The following PKNOX1 variants were observed in gnomAD, a reference collection of about 807,000 sequenced individuals.
The protein encoded by PKNOX1 is PBX/knotted 1 homeobox 1.
In PKNOX1, 15 loss-of-function variants were observed where a neutral mutation model predicts 51.9. That is an observed-to-expected ratio of 0.29 (90% CI 0.19 to 0.45). PKNOX1 has a LOEUF of 0.45. Among genes scored for constraint, PKNOX1 ranks in the 20% least tolerant of loss-of-function variants. The probability of loss-of-function intolerance (pLI) is 1.00; values close to 1 mark genes in which losing one functional copy is unlikely to be tolerated. For synonymous variants in PKNOX1, 219 were observed against 211.1 expected (o/e 1.04, Z -0.32); for missense variants, 462 against 547.5 (o/e 0.84, Z 1.56).
intron 5 of PKNOX1, among the ~76,000 whole-genome samples, chr21:43,015,078 C>T (rs1405003635): frequency 6.6e-6 from 1 of 152,244 alleles, no homozygotes; most frequent in Non-Finnish European, 1.5e-5. Flanking sequence ...AAGTTGTGTA[C>T]ATGCGTTTTT....
chr21:43,029,231 C>T (rs234730), intron 10 of PKNOX1, among the ~76,000 whole-genome samples: 46,977 of 151,858 alleles, frequency 0.31, 7,962 homozygotes, highest in Non-Finnish European at 0.39. Context: ...GTTCTCACCA[C>T]GTGGCTTCTT....
At position 43,015,195 on chromosome 21, in the gene PKNOX1, G is replaced by A. The variant is rs567493119; in HGVS notation, c.523-1713G>A. Among the ~76,000 whole-genome samples the A allele has an allele frequency of 2.8e-4, 42 of 152,336 alleles. 1 individual carries two copies. The South Asian group carries it at 8.3e-3, about 30-fold the overall frequency. The stretch of plus-strand genomic sequence containing the variant: ...CCGCCTTAGGGGACACCTTTCAGTC[G>A]CTCACTGTCGATGATGTTGGTTGCA... On this transcript the variant is annotated intron_variant, in intron 5 of 10. Coordinates refer to ENST00000291547, the MANE Select transcript of PKNOX1 (RefSeq NM_004571.5).
intron 1 of PKNOX1, among the ~76,000 whole-genome samples, chr21:42,998,321 C>T (rs904202739): frequency 6.6e-6 from 1 of 152,124 alleles, no homozygotes; most frequent in African/African-American, 2.4e-5. Flanking sequence ...TCAACTACCT[C>T]CCACCAGCTC....
chr21:43,001,486 C>G (rs1245428138), intron 1 of PKNOX1, among the ~76,000 whole-genome samples: 2 of 152,154 alleles, frequency 1.3e-5, no homozygotes, highest in Non-Finnish European at 2.9e-5. Flanking sequence ...CATCCTTGGT[C>G]CTCCTTCTCC....
At chr21:42,987,404 A>AAAAAAAATATATATATATAT in intron 1 of PKNOX1, among the ~76,000 whole-genome samples, 4 of 41,414 alleles carry the variant, frequency 9.7e-5, no homozygotes, top group Admixed American at 3.1e-4. Context: ...AAAAAAAAAA[A>AAAAAAAATATATATATATAT]ATATATATAT....
chr21:42,993,231 T>C (rs979888815), intron 1 of PKNOX1, among the ~76,000 whole-genome samples: 1 of 152,208 alleles, frequency 6.6e-6, no homozygotes, highest in Non-Finnish European at 1.5e-5. Context: ...CAGCTCTGTC[T>C]GCCCTCACTG....
intron 1 of PKNOX1, among the ~76,000 whole-genome samples, chr21:42,992,837 C>A (rs1308067045): frequency 2.8e-5 from 4 of 145,028 alleles, no homozygotes; most frequent in African/African-American, 7.7e-5. Flanking sequence ...TGGGGGCCTT[C>A]CTCACGGTAT....
chr21:43,005,055 C>T (rs1227697284), intron 2 of PKNOX1, among the ~76,000 whole-genome samples: 3 of 152,160 alleles, frequency 2.0e-5, no homozygotes, highest in Admixed American at 2.0e-4. Flanking sequence ...GCAGGTGGAT[C>T]GAGACTTGGC....
rs1980304321 is a variant in PKNOX1, at chr21:43,032,227, A to G, written c.*2126A>G. On this transcript the variant is annotated 3_prime_UTR_variant, in exon 11 of 11. Transcript: ENST00000291547. ...AACTGTCTTCTCATATTTTAAGTCA[A>G]GTCTATAAGATCATTTTTAACCTAA... is the stretch of plus-strand genomic sequence containing the variant. 2.2e-6 allele frequency: 1 copy of G among 455,848 alleles called. No individual in the cohort carries two copies. The highest frequency in any genetic ancestry group is 2.4e-5 in the Admixed American group (1 of 42,504). 28.2% of individuals were successfully genotyped at this position (455,848 alleles called of 1,614,324 possible).
chr21:43,005,628 T>C (rs182587507), intron 2 of PKNOX1, among the ~76,000 whole-genome samples: 52 of 152,140 alleles, frequency 3.4e-4, no homozygotes, highest in African/African-American at 1.2e-3. Flanking sequence ...ATGCAAAGAC[T>C]GAGCTGCTCT....
intron 1 of PKNOX1, among the ~76,000 whole-genome samples, chr21:42,991,939 G>A (rs1027801973): frequency 3.9e-5 from 6 of 152,094 alleles, no homozygotes; most frequent in Admixed American, 1.3e-4. Flanking sequence ...CAGCCAAGCT[G>A]GATCATGCCA....
In PKNOX1 at chr21:42,979,348, A is replaced by G. The variant is rs547192688; in HGVS notation, c.-57+4684A>G. 1.0e-4 allele frequency among the ~76,000 whole-genome samples: 16 copies of G among 152,382 alleles called. No individual in the cohort carries two copies. The South Asian group carries it at 1.4e-3, about 14-fold the overall frequency. Reference sequence around the variant, plus strand: ...TCCTGTTTTTGGAAAATTGGCACCAATAGGCTTGCTTTCTTCATACAGGGT... The same window carrying G: ...TCCTGTTTTTGGAAAATTGGCACCAGTAGGCTTGCTTTCTTCATACAGGGT... On this transcript the variant is annotated intron_variant, in intron 1 of 10. Coordinates refer to ENST00000291547, the MANE Select transcript of PKNOX1 (RefSeq NM_004571.5).
chr21:43,015,687 T>C (rs1236934212), intron 5 of PKNOX1, among the ~76,000 whole-genome samples: 1 of 152,252 alleles, frequency 6.6e-6, no homozygotes, highest in East Asian at 1.9e-4. Context: ...AGAATTGATC[T>C]ATTTCACCTA....
intron 1 of PKNOX1, among the ~76,000 whole-genome samples, chr21:42,998,840 C>T (rs1027906622): frequency 2.6e-5 from 4 of 152,222 alleles, no homozygotes; most frequent in Admixed American, 6.5e-5. Flanking sequence ...GCTGCTTTCA[C>T]GGGCTGGCAT....
At chr21:42,983,448 A>G (rs879756687) in intron 1 of PKNOX1, among the ~76,000 whole-genome samples, 9 of 152,292 alleles carry the variant, frequency 5.9e-5, no homozygotes, top group Non-Finnish European at 1.0e-4. Context: ...AGGTTCATCT[A>G]TGTTGTAGTG....
chr21:43,031,135 G>C lies in PKNOX1; in HGVS notation c.*1034G>C, dbSNP rs994205471. On this transcript the variant is annotated 3_prime_UTR_variant, in exon 11 of 11. Coordinates refer to ENST00000291547, the MANE Select transcript of PKNOX1 (RefSeq NM_004571.5). ...GCATGGTCGCTTTACCATGTTAGCT[G>C]TGTATTGTTTTAAAAGTTTTAACTT... The C allele has an allele frequency of 6.6e-6, 1 of 152,664 alleles. No individual in the cohort carries two copies. Among genetic ancestry groups the C allele is most frequent in the African/African-American group, 2.4e-5 (1 of 41,466 alleles). 9.5% of individuals were successfully genotyped at this position (152,664 alleles called of 1,614,324 possible).
intron 9 of PKNOX1, among the ~76,000 whole-genome samples, chr21:43,027,225 G>A (rs1211102331): frequency 1.4e-4 from 21 of 152,212 alleles, no homozygotes; most frequent in Admixed American, 1.4e-3. Context: ...AGACAGAAAC[G>A]AGGCCTTAAG....
chr21:43,018,325 A>G (rs1979593870), intron 7 of PKNOX1, 95 bp downstream of exon 7: 1 of 747,490 alleles, frequency 1.3e-6, no homozygotes, highest in Admixed American at 2.2e-5. Context: ...CTGCCTGAAG[A>G]GCTTTGTCTT....
At chr21:42,974,695 C>CCGCCGCCGCTCT (rs1390554876) in intron 1 of PKNOX1, 31 bp downstream of exon 1, 15 of 167,478 alleles carry the variant, frequency 9.0e-5, no homozygotes, top group South Asian at 5.0e-4. Context: ...TCCGCCGCCG[C>CCGCCGCCGCTCT]CGCCGCCGCT....
Sources: allele counts gnomAD v4.1 joint callset (sites outside exome capture counted in the v4.1 genomes callset), GRCh38; gene constraint gnomAD v4.1.1; transcripts MANE v1.5; gene names NCBI Gene and HGNC (gene_info 2026-07-23, HGNC 2026-07-21).